The following SUFU variants were observed in gnomAD, a reference collection of about 807,000 sequenced individuals.
SUFU encodes the protein SUFU negative regulator of hedgehog signaling.
Under a neutral mutation model 58.9 loss-of-function variants are expected in SUFU, and 7 were observed. The ratio of observed to expected loss-of-function variants is 0.12; its 90% confidence interval spans 0.07 to 0.22. The LOEUF is 0.22. Ranked by LOEUF, SUFU falls within the 10% of genes least tolerant of loss-of-function variation. SUFU has a pLI of 1.00. For synonymous variants in SUFU, 232 were observed against 254.8 expected, an observed-to-expected ratio of 0.91 and a Z score of 0.85; for missense variants, 451 against 641.3, an observed-to-expected ratio of 0.70 and a Z score of 3.20.
chr10:102,627,078 C>A, intron 10 of SUFU, 97 bp from the exon 11 acceptor site: 1 of 1,340,104 alleles, frequency 7.5e-7, no homozygotes, highest in Non-Finnish European at 1.1e-6. Context: ...GAGCTCATCT[C>A]TCCTCCATGG....
chr10:102,558,695 A>G (rs2063005748), intron 3 of SUFU, among the ~76,000 whole-genome samples: 1 of 152,262 alleles, frequency 6.6e-6, no homozygotes, highest in Non-Finnish European at 1.5e-5. Flanking sequence ...CCTCTAAAGC[A>G]AAGGCTAACC....
chr10:102,509,528 T>G (rs1035625314), intron 2 of SUFU, among the ~76,000 whole-genome samples: 1 of 152,206 alleles, frequency 6.6e-6, no homozygotes, highest in African/African-American at 2.4e-5. Flanking sequence ...AATCAGGTTT[T>G]TCTAAGCTTG....
chr10:102,633,247 C>T lies in SUFU; in HGVS notation c.*3092C>T, dbSNP rs2063852750. ...AGTCAGGAGCCCTGTAGGGAGACCC[C>T]TCCTTTTGTACAAGTACCTGAATGC... On this transcript the variant is annotated 3_prime_UTR_variant, in exon 12 of 12. Coordinates refer to ENST00000369902, the MANE Select transcript of SUFU (RefSeq NM_016169.4). 8.6e-6 allele frequency: 2 copies of T among 233,222 alleles called. No individual in the cohort carries two copies. Among genetic ancestry groups the T allele is most frequent in the Non-Finnish European group, 1.7e-5 (2 of 117,832 alleles). 14.4% of individuals were successfully genotyped at this position (233,222 alleles called of 1,614,324 possible).
At chr10:102,586,131 C>T (rs970668512) in intron 3 of SUFU, among the ~76,000 whole-genome samples, 10 of 151,760 alleles carry the variant, frequency 6.6e-5, no homozygotes, top group African/African-American at 1.2e-4. Context: ...GTGATCTGCC[C>T]GCCTTGGCCT....
intron 3 of SUFU, among the ~76,000 whole-genome samples, chr10:102,586,925 C>T (rs2063340909): frequency 6.6e-6 from 1 of 152,212 alleles, no homozygotes; most frequent in Non-Finnish European, 1.5e-5. Context: ...TTTGCCTACC[C>T]TAGGTACTTC....
chr10:102,523,469 G>T (rs528705347), intron 2 of SUFU, among the ~76,000 whole-genome samples: 3 of 152,156 alleles, frequency 2.0e-5, no homozygotes, highest in African/African-American at 7.2e-5. Context: ...CAGGGGGGTC[G>T]AGCTGGCTGG....
At chr10:102,602,748 A>G (rs978062404) in intron 8 of SUFU, among the ~76,000 whole-genome samples, 1 of 151,594 alleles carries the variant, frequency 6.6e-6, no homozygotes, top group East Asian at 1.9e-4. Flanking sequence ...CTCCTCTCCT[A>G]CTCTTCATTG....
chr10:102,512,442 G>A lies in SUFU; in HGVS notation c.317+3139G>A, dbSNP rs147741265. 2.0e-5 allele frequency among the ~76,000 whole-genome samples: 3 copies of A among 152,314 alleles called. No homozygotes were observed. The East Asian group carries it at 5.8e-4, about 29-fold the overall frequency. ...GCTTAAGGATTCTTCCAGTCTACCT[G>A]CTAGGTATAGGCCCAAGGCCCAAAA... On this transcript the variant is annotated intron_variant, in intron 2 of 11. Coordinates refer to ENST00000369902, the MANE Select transcript of SUFU (RefSeq NM_016169.4).
intron 3 of SUFU, among the ~76,000 whole-genome samples, chr10:102,562,922 A>G (rs774459553): frequency 6.6e-6 from 1 of 152,186 alleles, no homozygotes; most frequent in Non-Finnish European, 1.5e-5. Context: ...TTGAGCACCA[A>G]TATCATAGGT....
At chr10:102,534,814 C>A (rs74153170) in intron 2 of SUFU, among the ~76,000 whole-genome samples, 1 of 152,278 alleles carries the variant, frequency 6.6e-6, no homozygotes, top group African/African-American at 2.4e-5. Context: ...TCTGTAAAGC[C>A]CTAGAGCAAC....
At chr10:102,520,658 G>GT (rs908624008) in intron 2 of SUFU, among the ~76,000 whole-genome samples, 16 of 152,038 alleles carry the variant, frequency 1.1e-4, no homozygotes, top group South Asian at 4.2e-4. Flanking sequence ...CAACTGTTTG[G>GT]TTTTTTTTAC....
chr10:102,589,793 C>G (rs1014105914), intron 3 of SUFU, among the ~76,000 whole-genome samples: 1 of 152,062 alleles, frequency 6.6e-6, no homozygotes, highest in African/African-American at 2.4e-5. Context: ...GGCTTGCACT[C>G]TAATACAGTG....
chr10:102,552,621 G>C (rs187887092), intron 3 of SUFU, among the ~76,000 whole-genome samples: 1 of 152,300 alleles, frequency 6.6e-6, no homozygotes, highest in African/African-American at 2.4e-5. Flanking sequence ...AATTTACACT[G>C]TGTATTAGTT....
At chr10:102,612,197 GTGTGTGTGTGTGCACGCGCA>G (rs2063633382) in intron 8 of SUFU, among the ~76,000 whole-genome samples, 1 of 117,270 alleles carries the variant, frequency 8.5e-6, no homozygotes, top group Non-Finnish European at 1.8e-5. Context: ...GTGTGTGTGT[GTGTGTGTGTGTGCACGCGCA>G]TGTGTGTGTG....
intron 2 of SUFU, among the ~76,000 whole-genome samples, chr10:102,514,288 C>G (rs2062438332): frequency 6.6e-6 from 1 of 152,180 alleles, no homozygotes; most frequent in African/African-American, 2.4e-5. Context: ...GAGGGGTCCT[C>G]TGCATTTCTT....
intron 3 of SUFU, among the ~76,000 whole-genome samples, chr10:102,582,190 G>C (rs2063287281): frequency 6.6e-6 from 1 of 152,204 alleles, no homozygotes; most frequent in African/African-American, 2.4e-5. Context: ...CACAGACCAA[G>C]CATGTTAATT....
intron 10 of SUFU, among the ~76,000 whole-genome samples, chr10:102,622,090 G>A (rs1398169146): frequency 6.6e-6 from 1 of 152,218 alleles, no homozygotes; most frequent in East Asian, 1.9e-4. Flanking sequence ...CACTGGAGTA[G>A]CTGCTGGCCT....
chr10:102,546,991 T>C (rs1326351240), intron 2 of SUFU, among the ~76,000 whole-genome samples: 2 of 152,262 alleles, frequency 1.3e-5, no homozygotes. Flanking sequence ...TGGTGCTGTG[T>C]GGATGCATCT....
Position 102,592,817 on chromosome 10 carries a change from G to A in SUFU, c.597+93G>A, listed in dbSNP as rs1376025936. On this transcript the variant is annotated intron_variant, in intron 4 of 11. Coordinates refer to ENST00000369902, the MANE Select transcript of SUFU (RefSeq NM_016169.4). ...TGAGGAGGGGGAGTGAAGGGAGTGG[G>A]AGGTTTCCTTTGGCCTCGTCCTGAT... 11 of 1,478,096 alleles carry A rather than the reference G, an allele frequency of 7.4e-6. No homozygotes were observed. In the Admixed American group the frequency reaches 1.5e-4, roughly 21 times the overall value. 91.6% of individuals were successfully genotyped at this position (1,478,096 alleles called of 1,614,324 possible).
Sources: allele counts gnomAD v4.1 joint callset (sites outside exome capture counted in the v4.1 genomes callset), GRCh38; gene constraint gnomAD v4.1.1; transcripts MANE v1.5; gene names NCBI Gene and HGNC (gene_info 2026-07-23, HGNC 2026-07-21).